The following UNC5D variants were observed in gnomAD, a reference collection of about 807,000 sequenced individuals.
UNC5D encodes unc-5 netrin receptor D.
Under a neutral mutation model 105.4 loss-of-function variants are expected in UNC5D, and 39 were observed. The ratio of observed to expected loss-of-function variants is 0.37; its 90% CI spans 0.29 to 0.48. The LOEUF (loss-of-function observed/expected upper bound fraction) is 0.48, where lower values mean the gene tolerates loss of function less well. Ranked by LOEUF, UNC5D falls within the 20% of genes least tolerant of loss-of-function variation. UNC5D has a pLI of 0.98. For missense variants in UNC5D, 991 were observed against 1,202.4 expected (o/e 0.82, Z 2.60); for synonymous variants, 452 against 450.4 (o/e 1.00, Z -0.04).
chr8:35,305,601 C>T (rs3114999), intron 1 of UNC5D, among the ~76,000 whole-genome samples: 15 of 145,600 alleles, frequency 1.0e-4, no homozygotes, highest in Middle Eastern at 3.5e-3. Flanking sequence ...TTCTTTCTTT[C>T]TTTCTTTCTT....
intron 8 of UNC5D, among the ~76,000 whole-genome samples, chr8:35,714,306 G>T (rs959984622): frequency 6.6e-6 from 1 of 152,214 alleles, no homozygotes; most frequent in African/African-American, 2.4e-5. Flanking sequence ...TGATAATGAT[G>T]AATCTGTAAA....
chr8:35,777,313 G>A (rs933166045), intron 16 of UNC5D, among the ~76,000 whole-genome samples: 3 of 152,220 alleles, frequency 2.0e-5, no homozygotes, highest in Admixed American at 2.0e-4. Context: ...GAAGGCTGAG[G>A]CAGGAGGATT....
intron 4 of UNC5D, among the ~76,000 whole-genome samples, chr8:35,650,793 A>G (rs1823359078): frequency 6.6e-6 from 1 of 152,174 alleles, no homozygotes; most frequent in African/African-American, 2.4e-5. Flanking sequence ...TCTTTTTGAT[A>G]CAGTACTGGG....
intron 7 of UNC5D, among the ~76,000 whole-genome samples, chr8:35,703,523 C>CTG (rs1175414371): frequency 6.6e-6 from 1 of 152,170 alleles, no homozygotes; most frequent in Admixed American, 6.5e-5. Flanking sequence ...CCCTTGTTGC[C>CTG]TGATTTCTCT....
chr8:35,341,228 C>G (rs1811431737), intron 1 of UNC5D, among the ~76,000 whole-genome samples: 1 of 151,826 alleles, frequency 6.6e-6, no homozygotes. Flanking sequence ...TTTATAAATC[C>G]TCGAAACTAA....
At chr8:35,721,760 C>A (rs762996364) in intron 8 of UNC5D, among the ~76,000 whole-genome samples, 30 of 152,214 alleles carry the variant, frequency 2.0e-4, no homozygotes, top group Non-Finnish European at 3.7e-4. Flanking sequence ...TTGCCCTAGA[C>A]TGCTCTCTGC....
intron 1 of UNC5D, among the ~76,000 whole-genome samples, chr8:35,439,735 G>A (rs560243490): frequency 5.3e-5 from 8 of 151,882 alleles, no homozygotes; most frequent in South Asian, 2.1e-4. Flanking sequence ...ATGGAAAGTC[G>A]TTTTTCCATC....
intron 7 of UNC5D, among the ~76,000 whole-genome samples, chr8:35,695,093 C>T (rs967205875): frequency 9.9e-5 from 15 of 152,138 alleles, no homozygotes; most frequent in Admixed American, 9.2e-4. Flanking sequence ...TTTATACAAA[C>T]TATTTTTGAG....
Position 35,546,093 on chromosome 8 carries a change from C to T in UNC5D, c.104-3199C>T. 1.3e-5 allele frequency among the ~76,000 whole-genome samples: 2 copies of T among 152,068 alleles called. 1 individual carries two copies. The highest frequency in any genetic ancestry group is 1.3e-4 in the Admixed American group (2 of 15,240). On this transcript the variant is annotated intron_variant, in intron 1 of 16. Transcript: ENST00000404895. ...AATTTTTTTGCAGAGAAGAGGGTCT[C>T]ACTGTGTTGTCCAAGCTGTTCTCAA...
chr8:35,768,661 G>A (rs1248229866), intron 15 of UNC5D, among the ~76,000 whole-genome samples: 3 of 152,192 alleles, frequency 2.0e-5, no homozygotes, highest in Admixed American at 6.5e-5. Flanking sequence ...TAAGAGGAAT[G>A]TGATAGGTAT....
intron 10 of UNC5D, among the ~76,000 whole-genome samples, chr8:35,730,220 C>G (rs1829110928): frequency 6.6e-6 from 1 of 152,096 alleles, no homozygotes; most frequent in South Asian, 2.1e-4. Context: ...TCTTTCTTGG[C>G]CAAGGTGCAG....
intron 12 of UNC5D, among the ~76,000 whole-genome samples, chr8:35,750,283 C>G (rs1246303814): frequency 1.3e-5 from 2 of 150,492 alleles, no homozygotes; most frequent in African/African-American, 2.5e-5. Context: ...TCCCCGCCCC[C>G]CAACCCCACC....
At chr8:35,266,553 TATGGGA>T (rs1804886588) in intron 1 of UNC5D, among the ~76,000 whole-genome samples, 1 of 152,200 alleles carries the variant, frequency 6.6e-6, no homozygotes, top group Non-Finnish European at 1.5e-5. Context: ...GTAACTATTG[TATGGGA>T]AACCACCCCA....
chr8:35,585,522 T>C (rs1479505197), intron 3 of UNC5D, among the ~76,000 whole-genome samples: 1 of 142,022 alleles, frequency 7.0e-6, no homozygotes, highest in East Asian at 2.1e-4. Flanking sequence ...ATTGCAACCA[T>C]AATATGTGTG....
At chr8:35,498,079 CAAAACAAAAAAAAAA>C (rs1193402042) in intron 1 of UNC5D, among the ~76,000 whole-genome samples, 1 of 59,424 alleles carries the variant, frequency 1.7e-5, no homozygotes, top group African/African-American at 4.3e-5. Flanking sequence ...CAAAACAAAA[CAAAACAAAAAAAAAA>C]AAAAAAAAAA....
At chr8:35,450,093 T>G (rs1280157553) in intron 1 of UNC5D, among the ~76,000 whole-genome samples, 1 of 152,218 alleles carries the variant, frequency 6.6e-6, no homozygotes, top group Non-Finnish European at 1.5e-5. Context: ...AGGTTCATAT[T>G]ATACTAGGCA....
At chr8:35,544,007 C>T (rs1815460432) in intron 1 of UNC5D, among the ~76,000 whole-genome samples, 1 of 152,162 alleles carries the variant, frequency 6.6e-6, no homozygotes, top group African/African-American at 2.4e-5. Flanking sequence ...TCTGAGGTGG[C>T]TGGAGTCAGA....
At chr8:35,709,825 A>T (rs1401827601) in intron 8 of UNC5D, among the ~76,000 whole-genome samples, 1 of 152,200 alleles carries the variant, frequency 6.6e-6, no homozygotes. Flanking sequence ...AAATGCTATG[A>T]GGTGGGAGTT....
chr8:35,275,923 T>C (rs1441614655), intron 1 of UNC5D, among the ~76,000 whole-genome samples: 1 of 152,180 alleles, frequency 6.6e-6, no homozygotes, highest in African/African-American at 2.4e-5. Flanking sequence ...TCTAAGGGAT[T>C]AGGGATGTAT....
Sources: gnomAD v4.1 joint callset for allele counts (sites outside exome capture counted in the v4.1 genomes callset) on GRCh38, gnomAD v4.1.1 for gene constraint, MANE v1.5 for transcripts, NCBI Gene and HGNC (gene_info 2026-07-23, HGNC 2026-07-21) for gene names.